EPHA4: variants seen among roughly 807,000 people sequenced by gnomAD.
EPHA4 encodes the protein EPH receptor A4.
Under a neutral mutation model 108.3 loss-of-function variants are expected in EPHA4, and 19 were observed. The ratio of observed to expected loss-of-function variants is 0.18; its 90% CI spans 0.12 to 0.26. The LOEUF (loss-of-function observed/expected upper bound fraction) is 0.26. Among genes scored for constraint, EPHA4 ranks in the 10% least tolerant of loss-of-function variants. The pLI is 1.00. For missense variants in EPHA4, 917 were observed against 1,254.0 expected (o/e 0.73, Z 4.06); for synonymous variants, 449 against 455.5 (o/e 0.99, Z 0.18).
At chr2:221,559,974 C>A (rs999467702) in intron 3 of EPHA4, among the ~76,000 whole-genome samples, 5 of 152,204 alleles carry the variant, frequency 3.3e-5, no homozygotes, top group Non-Finnish European at 5.9e-5. Flanking sequence ...CCCCTGCCCT[C>A]ATCCTTCCTC....
intron 3 of EPHA4, among the ~76,000 whole-genome samples, chr2:221,510,515 G>A (rs544909748): frequency 2.0e-5 from 3 of 151,730 alleles, no homozygotes; most frequent in Non-Finnish European, 4.4e-5. Flanking sequence ...AACAGACAAC[G>A]AAAAAAAGTG....
intron 5 of EPHA4, among the ~76,000 whole-genome samples, chr2:221,468,586 T>A (rs1257603383): frequency 6.6e-6 from 1 of 152,192 alleles, no homozygotes; most frequent in South Asian, 2.1e-4. Flanking sequence ...AGCATCTAGA[T>A]CAGTCCCCAA....
At chr2:221,487,139 CA>C (rs66819409) in intron 4 of EPHA4, among the ~76,000 whole-genome samples, 63,455 of 151,860 alleles carry the variant, frequency 0.42, 13,339 homozygotes, top group East Asian at 0.53. Flanking sequence ...TTCATTTATT[CA>C]AAAAACATTT....
chr2:221,539,644 G>A (rs1348057756), intron 3 of EPHA4, among the ~76,000 whole-genome samples: 1 of 152,096 alleles, frequency 6.6e-6, no homozygotes, highest in Non-Finnish European at 1.5e-5. Context: ...TCCTCTCACC[G>A]ACGTTAGAGC....
At chr2:221,521,958 C>A (rs1693178124) in intron 3 of EPHA4, among the ~76,000 whole-genome samples, 1 of 152,136 alleles carries the variant, frequency 6.6e-6, no homozygotes, top group African/African-American at 2.4e-5. Context: ...GCCTGGGTGA[C>A]AGAGCAAGAC....
At chr2:221,543,581 A>C (rs1693899458) in intron 3 of EPHA4, among the ~76,000 whole-genome samples, 1 of 152,210 alleles carries the variant, frequency 6.6e-6, no homozygotes, top group Admixed American at 6.5e-5. Flanking sequence ...TCTAAGCCAT[A>C]TTTAGTTACC....
At chr2:221,436,264 G>A in intron 13 of EPHA4, 135 bp downstream of exon 13, 1 of 738,720 alleles carries the variant, frequency 1.4e-6, no homozygotes, top group East Asian at 2.7e-5. Context: ...AAAAATGGAT[G>A]CAGGAATATG....
At chr2:221,551,099 T>A (rs1180974509) in intron 3 of EPHA4, among the ~76,000 whole-genome samples, 1 of 152,072 alleles carries the variant, frequency 6.6e-6, no homozygotes, top group Admixed American at 6.5e-5. Flanking sequence ...AATGTTGTAA[T>A]ATAAAAGTTT....
intron 5 of EPHA4, among the ~76,000 whole-genome samples, chr2:221,477,767 T>C (rs1311476179): frequency 6.6e-6 from 1 of 152,198 alleles, no homozygotes; most frequent in Non-Finnish European, 1.5e-5. Context: ...GAATAAGCCT[T>C]ACTTCTTCAG....
At chr2:221,443,632 C>T in intron 9 of EPHA4, 26 bp from the exon 10 acceptor site, 1 of 1,530,836 alleles carries the variant, frequency 6.5e-7, no homozygotes, top group Non-Finnish European at 9.0e-7. Context: ...GATAAGTTGG[C>T]TGAATACTTC....
chr2:221,468,239 A>C (rs183311599), intron 5 of EPHA4, among the ~76,000 whole-genome samples: 29 of 152,206 alleles, frequency 1.9e-4, no homozygotes, highest in African/African-American at 6.7e-4. Flanking sequence ...AGAGGAAAAA[A>C]AAAAGGCCCC....
chr2:221,558,929 A>G (rs1694376826), intron 3 of EPHA4, among the ~76,000 whole-genome samples: 1 of 152,244 alleles, frequency 6.6e-6, no homozygotes, highest in African/African-American at 2.4e-5. Flanking sequence ...AAAAATTTCA[A>G]CAGTGCAAAG....
Position 221,499,743 on chromosome 2 carries a change from TATATATATATA to T in EPHA4, c.979+1263_979+1273del, listed in dbSNP as rs1448404246. Among the ~76,000 whole-genome samples, 350 of 60,588 alleles carry T rather than the reference TATATATATATA, an allele frequency of 5.8e-3. 6 individuals are homozygous for T. Among genetic ancestry groups the T allele is most frequent in the African/African-American group, 0.025 (279 of 11,336 alleles). 39.7% of individuals were successfully genotyped at this position (60,588 alleles called of 152,430 possible). ...ATATATATATATATATATATATATA[TATATATATATA>T]TATTTTTTTTTTTTTTTTTTGAGAC... On this transcript the variant is annotated intron_variant, in intron 4 of 17. Coordinates refer to ENST00000281821, the MANE Select transcript of EPHA4 (RefSeq NM_004438.5).
chr2:221,437,658 T>A (rs1690283394), intron 11 of EPHA4, among the ~76,000 whole-genome samples: 1 of 151,510 alleles, frequency 6.6e-6, no homozygotes, highest in Non-Finnish European at 1.5e-5. Context: ...ATGCCTGTAA[T>A]CTCAGCACTT....
chr2:221,433,886 A>G (rs779235477), intron 14 of EPHA4, among the ~76,000 whole-genome samples: 15 of 152,230 alleles, frequency 9.9e-5, no homozygotes, highest in Non-Finnish European at 2.2e-4. Flanking sequence ...TAAAAATACT[A>G]TCCCATATTT....
intron 3 of EPHA4, among the ~76,000 whole-genome samples, chr2:221,526,231 C>T (rs68137358): frequency 0.17 from 25,544 of 151,220 alleles, 2,352 homozygotes; most frequent in African/African-American, 0.24. Flanking sequence ...AGTGTAATTC[C>T]GGCACTTTAT....
chr2:221,496,425 T>C (rs1692298315), intron 4 of EPHA4, among the ~76,000 whole-genome samples: 1 of 152,156 alleles, frequency 6.6e-6, no homozygotes, highest in Admixed American at 6.5e-5. Flanking sequence ...AGGTCCATTA[T>C]ATTCACTAGG....
At chr2:221,562,712 T>C (rs1280936861) in intron 3 of EPHA4, among the ~76,000 whole-genome samples, 1 of 152,172 alleles carries the variant, frequency 6.6e-6, no homozygotes, top group South Asian at 2.1e-4. Context: ...TAAAAACAAG[T>C]ATCAAGCAAG....
At chr2:221,429,370 T>C (rs2106091777) in intron 15 of EPHA4, among the ~76,000 whole-genome samples, 1 of 152,308 alleles carries the variant, frequency 6.6e-6, no homozygotes, top group African/African-American at 2.4e-5. Flanking sequence ...GGTCCAATCA[T>C]TTTGGTCTTT....
Sources: allele counts gnomAD v4.1 joint callset (sites outside exome capture counted in the v4.1 genomes callset), GRCh38; gene constraint gnomAD v4.1.1; transcripts MANE v1.5; gene names NCBI Gene and HGNC (gene_info 2026-07-23, HGNC 2026-07-21).